Variants in NCOA6 observed in about 807,000 individuals in gnomAD.
NCOA6 encodes the protein NRC RAP250.
Under a neutral mutation model 171.4 loss-of-function variants are expected in NCOA6, and 49 were observed. The ratio of observed to expected loss-of-function variants is 0.29; its 90% CI spans 0.23 to 0.36. NCOA6 has a LOEUF of 0.36. Among genes scored for constraint, NCOA6 ranks in the 10% least tolerant of loss-of-function variants. The pLI, the probability that NCOA6 is intolerant of heterozygous loss-of-function variation, is 1.00. For missense variants in NCOA6, 2,248 were observed against 2,554.5 expected (o/e 0.88, Z 2.59); for synonymous variants, 910 against 927.5 (o/e 0.98, Z 0.34).
intron 1 of NCOA6, among the ~76,000 whole-genome samples, chr20:34,806,108 T>C (rs1469349929): frequency 6.6e-6 from 1 of 152,234 alleles, no homozygotes; most frequent in Non-Finnish European, 1.5e-5. Flanking sequence ...AGCCACTATT[T>C]TAACTGGGGT....
At position 34,749,698 on chromosome 20, in the gene NCOA6, C is replaced by T. The variant is rs745716028; in HGVS notation, c.2497G>A (p.Val833Met). The change falls in exon 9 of 15, where the codon GTG (valine) becomes ATG (methionine). Residue 833 changes from valine (V) to methionine (M), a missense_variant. Physicochemically the swap from Val to Met is conservative, Grantham distance 21 (BLOSUM62 1). This residue lies in a region of NCOA6 where 987 missense variants were observed against 1,104.7 expected (regional missense o/e 0.89). Transcript: ENST00000359003. ...GCACTGTTTCCCTGCATGGCCTGCA[C>T]ATGAGGGGGGACCATGTTGGTTTGT... ...IQQTNMVPPH[V>M]QAMQGNSASG... 1.9e-6 allele frequency: 3 copies of T among 1,614,194 alleles called. No individual in the cohort carries two copies. Among genetic ancestry groups the T allele is most frequent in the Non-Finnish European group, 2.5e-6 (3 of 1,180,002 alleles).
In NCOA6 at chr20:34,746,930, TAAAAAAAAAAA is replaced by T. The variant is rs11484299; in HGVS notation, c.2793-13_2793-3del. On this transcript the variant is annotated splice_polypyrimidine_tract_variant and splice_region_variant and intron_variant, in intron 9 of 14. Transcript: ENST00000359003. ...CCAGCTGGGCGAGTATCTGGGGTGC[TAAAAAAAAAAA>T]AAAAAAAAAAAGTGACATATTTTAG... The T allele has an allele frequency of 1.8e-6, 2 of 1,138,196 alleles. No homozygotes were observed. Among genetic ancestry groups the T allele is most frequent in the African/African-American group, 2.4e-5 (1 of 42,076 alleles). 70.5% of individuals were successfully genotyped at this position (1,138,196 alleles called of 1,614,324 possible).
At position 34,743,247 on chromosome 20, in the gene NCOA6, CTGCTGTGGTGGCTGT is replaced by C; in HGVS notation, c.2994_3008del (p.Pro1001_Pro1005del). 1 of 1,613,994 alleles carries C rather than the reference CTGCTGTGGTGGCTGT, an allele frequency of 6.2e-7. No individual in the cohort carries two copies. Reference sequence around the variant, plus strand: ...GCTGAGGCAGTTGTGGCTGTGGCTGCTGCTGTGGTGGCTGTGGTGGGGGTGCCACATGCTGCATGA... The same window carrying C: ...GCTGAGGCAGTTGTGGCTGTGGCTGCGGTGGGGGTGCCACATGCTGCATGA... On this transcript the variant is annotated inframe_deletion, in exon 11 of 15. Coordinates refer to ENST00000359003, the MANE Select transcript of NCOA6 (RefSeq NM_014071.5).
At chr20:34,717,251 G>T (rs987727309) in intron 14 of NCOA6, among the ~76,000 whole-genome samples, 1 of 152,190 alleles carries the variant, frequency 6.6e-6, no homozygotes, top group African/African-American at 2.4e-5. Flanking sequence ...AAGAGTTCAA[G>T]AGCAGCCTGA....
intron 1 of NCOA6, among the ~76,000 whole-genome samples, chr20:34,801,974 G>A: frequency 6.6e-6 from 1 of 152,156 alleles, no homozygotes; most frequent in Non-Finnish European, 1.5e-5. Flanking sequence ...AAACATTTAA[G>A]GAAGAACTAA....
In NCOA6 at chr20:34,741,789, T is replaced by C. The variant is rs772766786; in HGVS notation, c.4467A>G (p.Thr1489=). The change falls in exon 11 of 15, where the codon ACA becomes ACG. Residue 1489 remains threonine (T), a synonymous_variant. Coordinates refer to ENST00000359003, the MANE Select transcript of NCOA6 (RefSeq NM_014071.5). ...AGTTGTCAAGAAGTTGACTTAACGA[T>C]GTTGGTGCTTCCCTCATAGCAGGAG... The part of the protein sequence containing the change: ...LVSPAMREAP[T]SLSQLLDNSG... 9.3e-6 allele frequency: 15 copies of C among 1,614,086 alleles called. No homozygotes were observed. The Admixed American group carries it at 1.5e-4, about 16-fold the overall frequency.
chr20:34,742,533 T>G lies in NCOA6; in HGVS notation c.3723A>C (p.Pro1241=). 6.2e-7 allele frequency: 1 copy of G among 1,614,186 alleles called. No homozygotes were observed. Among genetic ancestry groups the G allele is most frequent in the Non-Finnish European group, 8.5e-7 (1 of 1,180,032 alleles). Residue 1241 remains proline, a synonymous_variant, in exon 11 of 15, where the codon CCA becomes CCC. Coordinates refer to ENST00000359003, the MANE Select transcript of NCOA6 (RefSeq NM_014071.5). ...CTGCTATGGAGGCATTGAGTCTTTC[T>G]GGTGACAGACTGATTTCTGAAGGTT... ...STEPSEISLS[P]ERLNASIAGL...
Position 34,736,679 on chromosome 20 carries a change from G to A in NCOA6, c.5962+11C>T. On this transcript the variant is annotated intron_variant, in intron 12 of 14. Coordinates refer to ENST00000359003, the MANE Select transcript of NCOA6 (RefSeq NM_014071.5). The stretch of plus-strand genomic sequence containing the variant: ...TCCCACTCCAAGAAGTTTTTCCAAA[G>A]TACGCCTTACCTGGTCTGGCAACAG... 1 of 1,597,108 alleles carries A rather than the reference G, an allele frequency of 6.3e-7. No homozygotes were observed. The highest frequency in any genetic ancestry group is 8.5e-7 in the Non-Finnish European group (1 of 1,172,376).
At chr20:34,813,532 A>C (rs2146659669) in intron 1 of NCOA6, among the ~76,000 whole-genome samples, 1 of 152,172 alleles carries the variant, frequency 6.6e-6, no homozygotes, top group Non-Finnish European at 1.5e-5. Flanking sequence ...GTTAGATAAT[A>C]TTAAGAAATT....
Position 34,742,827 on chromosome 20 carries a change from G to A in NCOA6, c.3429C>T (p.Val1143=), listed in dbSNP as rs373162961. The A allele has an allele frequency of 9.9e-6, 16 of 1,614,082 alleles. No homozygotes were observed. The African/African-American group carries it at 1.9e-4, about 19-fold the overall frequency. The change falls in exon 11 of 15, where the codon GTC becomes GTT. Residue 1143 remains valine (V), a synonymous_variant. Transcript: ENST00000359003. ...AAGGCATGTTGTTTGGGCCTCCTGG[G>A]ACAGATGGTGCTTCACTGCCACTTG... ...PEASGSEAPS[V]PGGPNNMPSH...
At chr20:34,815,656 C>G (rs2078811193) in intron 1 of NCOA6, among the ~76,000 whole-genome samples, 1 of 151,968 alleles carries the variant, frequency 6.6e-6, no homozygotes, top group Non-Finnish European at 1.5e-5. Context: ...CATGGGGAGG[C>G]TTTTGAATGG....
Position 34,715,382 on chromosome 20 carries a change from G to A in NCOA6, c.6149-17C>T, listed in dbSNP as rs776249678. The A allele has an allele frequency of 3.8e-6, 6 of 1,594,290 alleles. No individual in the cohort carries two copies. Among genetic ancestry groups the A allele is most frequent in the Middle Eastern group, 3.3e-4 (2 of 6,046 alleles). On this transcript the variant is annotated splice_polypyrimidine_tract_variant and intron_variant, in intron 14 of 14. Coordinates refer to ENST00000359003, the MANE Select transcript of NCOA6 (RefSeq NM_014071.5). ...TGGTTATGTCTGTGGGGGAAAGAAA[G>A]GACATGTTCAGTGGAAGTAACTCTT...
intron 1 of NCOA6, among the ~76,000 whole-genome samples, chr20:34,803,570 T>C (rs997707170): frequency 6.6e-6 from 1 of 151,956 alleles, no homozygotes; most frequent in Non-Finnish European, 1.5e-5. Flanking sequence ...TACAATGAAA[T>C]AGATTAACAT....
intron 1 of NCOA6, among the ~76,000 whole-genome samples, chr20:34,803,133 A>C (rs536290851): frequency 1.3e-5 from 2 of 152,166 alleles, no homozygotes; most frequent in Non-Finnish European, 2.9e-5. Flanking sequence ...AGAAATGAAA[A>C]TAATCAATGA....
At chr20:34,795,166 G>C (rs570856277) in intron 1 of NCOA6, among the ~76,000 whole-genome samples, 1 of 152,256 alleles carries the variant, frequency 6.6e-6, no homozygotes, top group African/African-American at 2.4e-5. Flanking sequence ...TTCAGGCAAG[G>C]ACGATCACAG....
At position 34,741,100 on chromosome 20, in the gene NCOA6, G is replaced by T; in HGVS notation, c.5156C>A (p.Ser1719Tyr). 1 of 1,614,226 alleles carries T rather than the reference G, an allele frequency of 6.2e-7. No homozygotes were observed. Among genetic ancestry groups the T allele is most frequent in the Non-Finnish European group, 8.5e-7 (1 of 1,180,052 alleles). ...SSAPVPPNAL[S>Y]SSPAPNIQTG... The stretch of plus-strand genomic sequence containing the variant: ...CTGGATGTTTGGAGCAGGACTACTG[G>T]AGAGGGCATTAGGCGGTACAGGAGC... Residue 1719 changes from serine (S) to tyrosine (Y), a missense_variant, in exon 11 of 15, where the codon TCC becomes TAC. Around this residue, in one of 7 missense-constraint regions of NCOA6, gnomAD observed 884 missense variants for 941.9 expected, o/e 0.94. Coordinates refer to ENST00000359003, the MANE Select transcript of NCOA6 (RefSeq NM_014071.5).
Position 34,757,953 on chromosome 20 carries a change from T to TTGCTGC in NCOA6, c.789_794dup (p.Gln284_Gln285dup). ...GCTGCTGCTGCTGCTGTTGTTGTTG[T>TTGCTGC]TGCTGCTGCTGCTGCAGCTGGGGAA... On this transcript the variant is annotated inframe_insertion, in exon 7 of 15. Transcript: ENST00000359003. 2 of 1,613,436 alleles carry TTGCTGC rather than the reference T, an allele frequency of 1.2e-6. No individual in the cohort carries two copies. Among genetic ancestry groups the TTGCTGC allele is most frequent in the South Asian group, 1.1e-5 (1 of 91,066 alleles).
intron 12 of NCOA6, among the ~76,000 whole-genome samples, chr20:34,736,294 A>G (rs1000574225): frequency 2.0e-5 from 3 of 152,190 alleles, no homozygotes; most frequent in South Asian, 2.1e-4. Context: ...TACTGTCATA[A>G]TAAAATTACA....
Position 34,743,356 on chromosome 20 carries a change from C to G in NCOA6, c.2915-15G>C. 1 of 1,577,178 alleles carries G rather than the reference C, an allele frequency of 6.3e-7. No homozygotes were observed. Among genetic ancestry groups the G allele is most frequent in the Non-Finnish European group, 8.6e-7 (1 of 1,159,428 alleles). On this transcript the variant is annotated splice_polypyrimidine_tract_variant and intron_variant, in intron 10 of 14. Transcript: ENST00000359003. ...AGAAGGATAACCTAAAACAAGCCCC[C>G]CAAATTAGGGAAGTTAGATTTTTCA...
Sources: allele counts gnomAD v4.1 joint callset (sites outside exome capture counted in the v4.1 genomes callset), GRCh38; gene constraint gnomAD v4.1.1; regional missense constraint gnomAD v4.1.1; transcripts MANE v1.5; gene names NCBI Gene and HGNC (gene_info 2026-07-23, HGNC 2026-07-21).